The following ACAD10 variants were observed in gnomAD, a reference collection of about 807,000 sequenced individuals.
The protein encoded by ACAD10 is acyl-CoA dehydrogenase family member 10.
A neutral mutation model predicts 116.8 loss-of-function variants in ACAD10; 112 were observed. The ratio of observed to expected loss-of-function variants is 0.96; its 90% CI spans 0.82 to 1.12. The LOEUF is 1.12. Ranked by LOEUF, ACAD10 falls within the 50% of genes most tolerant of loss-of-function variation. ACAD10 has a pLI of 0.00. For missense variants in ACAD10, 1,259 were observed against 1,350.2 expected (o/e 0.93, Z 1.06); for synonymous variants, 486 against 510.6 (o/e 0.95, Z 0.65).
At chr12:111,694,589 C>A (rs1593013140) in intron 2 of ACAD10, among the ~76,000 whole-genome samples, 1 of 152,090 alleles carries the variant, frequency 6.6e-6, no homozygotes. Flanking sequence ...TCTTAAGAAC[C>A]AATTCACTTC....
chr12:111,752,084 G>A (rs1890087426), intron 18 of ACAD10, among the ~76,000 whole-genome samples: 1 of 151,286 alleles, frequency 6.6e-6, no homozygotes, highest in South Asian at 2.1e-4. Context: ...AAGTAGCCAG[G>A]TGTGGTGGCA....
At chr12:111,742,700 A>T (rs1045664442) in intron 12 of ACAD10, among the ~76,000 whole-genome samples, 2 of 152,096 alleles carry the variant, frequency 1.3e-5, no homozygotes, top group African/African-American at 2.4e-5. Flanking sequence ...TCTCTTATTT[A>T]AAAATAAATA....
chr12:111,729,458 C>T (rs922278536), intron 9 of ACAD10, among the ~76,000 whole-genome samples: 21 of 152,156 alleles, frequency 1.4e-4, no homozygotes, highest in African/African-American at 4.8e-4. Context: ...AGGCCAGTCT[C>T]GAACTCCTGA....
chr12:111,746,081 C>T (rs1889887361), intron 13 of ACAD10, 63 bp from the exon 14 acceptor site: 2 of 1,576,164 alleles, frequency 1.3e-6, no homozygotes, highest in South Asian at 1.2e-5. Context: ...TCATTGTTTT[C>T]CACGGTTCAA....
intron 13 of ACAD10, 31 bp from the exon 14 acceptor site, chr12:111,746,113 G>A (rs1165606902): frequency 1.9e-6 from 3 of 1,601,632 alleles, no homozygotes; most frequent in African/African-American, 1.4e-5. Flanking sequence ...ATCTTCCACT[G>A]TGGTTTCCTG....
chr12:111,736,796 G>T (rs1889577021), intron 11 of ACAD10, 35 bp from the exon 12 acceptor site: 18 of 1,593,002 alleles, frequency 1.1e-5, no homozygotes, highest in Admixed American at 3.6e-5. Context: ...TGTCACGTCA[G>T]TGACTACCCA....
At chr12:111,725,443 G>A (rs1269920015) in intron 8 of ACAD10, among the ~76,000 whole-genome samples, 4 of 152,168 alleles carry the variant, frequency 2.6e-5, no homozygotes, top group African/African-American at 9.7e-5. Context: ...GAGCCTGGGA[G>A]GTGGAGGCTG....
intron 2 of ACAD10, among the ~76,000 whole-genome samples, chr12:111,699,025 C>T (rs752592372): frequency 1.7e-4 from 26 of 151,578 alleles, no homozygotes; most frequent in Non-Finnish European, 3.1e-4. Context: ...ACTATAGGCT[C>T]GCACCACCAC....
chr12:111,738,609 G>A (rs1322714983), intron 12 of ACAD10, among the ~76,000 whole-genome samples: 1 of 152,168 alleles, frequency 6.6e-6, no homozygotes, highest in Non-Finnish European at 1.5e-5. Flanking sequence ...GCTCAGGCCT[G>A]TAATCCCAGC....
At chr12:111,754,894 C>T (rs767646867) in intron 19 of ACAD10, among the ~76,000 whole-genome samples, 1 of 152,222 alleles carries the variant, frequency 6.6e-6, no homozygotes, top group Non-Finnish European at 1.5e-5. Context: ...GCACTTGCTT[C>T]GCATCTTGTG....
At chr12:111,707,455 C>G (rs1242127841) in intron 4 of ACAD10, among the ~76,000 whole-genome samples, 1 of 152,116 alleles carries the variant, frequency 6.6e-6, no homozygotes, top group Non-Finnish European at 1.5e-5. Context: ...GTGATAATTC[C>G]CTTTAGAAAC....
At position 111,753,782 on chromosome 12, in the gene ACAD10, G is replaced by A. The variant is rs759193773; in HGVS notation, c.2828G>A (p.Arg943His). 24 of 1,613,954 alleles carry A rather than the reference G, an allele frequency of 1.5e-5. No homozygotes were observed. The highest frequency in any genetic ancestry group is 1.6e-4 in the Middle Eastern group (1 of 6,062). Residue 943 changes from arginine to histidine, a missense_variant, in exon 19 of 21, where the codon CGC becomes CAC. Physicochemically the swap from Arg to His is conservative, Grantham distance 29. Coordinates refer to ENST00000313698, the MANE Select transcript of ACAD10 (RefSeq NM_025247.6). Reference sequence around the variant, plus strand: ...CTCCTGTGTCGACAGGTGAAGTCCCGCTTGGCTTTTGGGAAGCCCCTGGTG... The same window carrying A: ...CTCCTGTGTCGACAGGTGAAGTCCCACTTGGCTTTTGGGAAGCCCCTGGTG... ...LALMKARVKS[R>H]LAFGKPLVEQ...
Position 111,744,987 on chromosome 12 carries a change from A to G in ACAD10, c.2059A>G (p.Ser687Gly), listed in dbSNP as rs1403288822. ...RVYPAEPELQ[S>G]HQASAARWSP... ...GTACCCTGCAGAGCCAGAGCTGCAG[A>G]GTCACCAGGCCTCAGCAGCCAGGTG... The change falls in exon 13 of 21, where the codon AGT becomes GGT. Residue 687 changes from serine to glycine, a missense_variant. Ser to Gly is a moderately conservative substitution (Grantham distance 56, BLOSUM62 0). Transcript: ENST00000313698. 1.2e-6 allele frequency: 2 copies of G among 1,614,112 alleles called. No individual in the cohort carries two copies. The highest frequency in any genetic ancestry group is 3.3e-5 in the Admixed American group (2 of 60,034).
intron 1 of ACAD10, among the ~76,000 whole-genome samples, chr12:111,692,461 T>C (rs566619506): frequency 2.6e-5 from 4 of 152,234 alleles, no homozygotes; most frequent in African/African-American, 9.6e-5. Context: ...GAGGTAGAGA[T>C]TGCAGAAAGT....
intron 5 of ACAD10, among the ~76,000 whole-genome samples, chr12:111,712,277 C>T (rs1320789242): frequency 2.0e-5 from 3 of 152,090 alleles, no homozygotes; most frequent in Non-Finnish European, 4.4e-5. Context: ...CTTTGTGGCA[C>T]CGGGGAACAA....
intron 4 of ACAD10, 31 bp from the exon 5 acceptor site, chr12:111,709,495 C>T (rs761862692): frequency 1.3e-5 from 19 of 1,501,608 alleles, no homozygotes; most frequent in African/African-American, 2.9e-5. Context: ...CCTTTCGGGA[C>T]ATTCATCTCT....
Position 111,744,756 on chromosome 12 carries a change from T to C in ACAD10, c.1828T>C (p.Phe610Leu). 6.2e-7 allele frequency: 1 copy of C among 1,614,214 alleles called. No homozygotes were observed. The highest frequency in any genetic ancestry group is 8.5e-7 in the Non-Finnish European group (1 of 1,180,032). ...EGFRVFKEMP[F>L]TNPLTRSYHT... ...GTTCCGGGTTTTCAAAGAGATGCCCTTCACAAATCCGTTAACAAGGTCCTA... is the reference window on the plus strand; with the variant it reads ...GTTCCGGGTTTTCAAAGAGATGCCCCTCACAAATCCGTTAACAAGGTCCTA... The change falls in exon 13 of 21, where the codon TTC (phenylalanine) becomes CTC (leucine). Residue 610 changes from phenylalanine to leucine, a missense_variant. Phe to Leu is a conservative substitution (Grantham distance 22). Transcript: ENST00000313698.
At chr12:111,710,477 G>T in intron 5 of ACAD10, 1 of 253,998 alleles carries the variant, frequency 3.9e-6, no homozygotes, top group African/African-American at 2.4e-5. Context: ...TTTCTTCTTG[G>T]CACAAGAGGG....
chr12:111,729,885 G>C lies in ACAD10; in HGVS notation c.1323G>C (p.Glu441Asp), dbSNP rs1889337801. ...AAACTAGCACCATCCCAGCCATGGA[G>C]AGGCTGATCGAATGGCTGCCCCTCC... ...ASETSTIPAM[E>D]RLIEWLPLHL... The change falls in exon 10 of 21, where the codon GAG (glutamate) becomes GAC (aspartate). Residue 441 changes from glutamate to aspartate, a missense_variant. By Grantham distance (45) the Glu-to-Asp change is conservative. Transcript: ENST00000313698. 2 of 1,614,164 alleles carry C rather than the reference G, an allele frequency of 1.2e-6. No individual in the cohort carries two copies. Among genetic ancestry groups the C allele is most frequent in the Non-Finnish European group, 1.7e-6 (2 of 1,180,034 alleles).
Sources: allele counts gnomAD v4.1 joint callset (sites outside exome capture counted in the v4.1 genomes callset), GRCh38; gene constraint gnomAD v4.1.1; transcripts MANE v1.5; gene names NCBI Gene and HGNC (gene_info 2026-07-23, HGNC 2026-07-21).